SYT9: variants seen among roughly 807,000 people sequenced by gnomAD.
SYT9 encodes the protein synaptotagmin 9.
In SYT9, 22 loss-of-function variants were observed where a neutral mutation model predicts 48.4. The ratio of observed to expected loss-of-function variants is 0.45; its 90% CI spans 0.32 to 0.65. SYT9 has a LOEUF of 0.65. SYT9 is among the 30% of genes least tolerant of loss of function. The pLI is 0.03. For missense variants in SYT9, 577 were observed against 622.0 expected (o/e 0.93, Z 0.77); for synonymous variants, 265 against 245.0 (o/e 1.08, Z -0.76).
intron 1 of SYT9, among the ~76,000 whole-genome samples, chr11:7,281,633 A>C (rs1406891334): frequency 6.6e-6 from 1 of 152,166 alleles, no homozygotes; most frequent in African/African-American, 2.4e-5. Context: ...AATTTATTTG[A>C]TGTGTAAAAA....
At chr11:7,378,035 T>C (rs1422094852) in intron 3 of SYT9, among the ~76,000 whole-genome samples, 1 of 150,124 alleles carries the variant, frequency 6.7e-6, no homozygotes, top group Non-Finnish European at 1.5e-5. Flanking sequence ...AATAGGAACA[T>C]AGGCAGAGAA....
chr11:7,383,113 G>A (rs191622235), intron 3 of SYT9, among the ~76,000 whole-genome samples: 1 of 152,200 alleles, frequency 6.6e-6, no homozygotes, highest in Non-Finnish European at 1.5e-5. Context: ...TGAGAAAATA[G>A]GATGATCAAA....
intron 1 of SYT9, among the ~76,000 whole-genome samples, chr11:7,301,210 C>T (rs1848912887): frequency 6.6e-6 from 1 of 152,198 alleles, no homozygotes; most frequent in African/African-American, 2.4e-5. Context: ...ATTGAAACTT[C>T]AACCCCAGTA....
chr11:7,432,834 G>A (rs958286389), intron 6 of SYT9, among the ~76,000 whole-genome samples: 2 of 151,562 alleles, frequency 1.3e-5, no homozygotes, highest in East Asian at 3.9e-4. Flanking sequence ...TGAGACTTTG[G>A]ACTTTGAACT....
intron 1 of SYT9, among the ~76,000 whole-genome samples, chr11:7,286,368 G>T (rs1256566384): frequency 6.6e-6 from 1 of 152,074 alleles, no homozygotes; most frequent in African/African-American, 2.4e-5. Flanking sequence ...GAGCAGCTGA[G>T]ATGCAGGGCA....
intron 3 of SYT9, among the ~76,000 whole-genome samples, chr11:7,326,437 T>C (rs891031049): frequency 1.0e-4 from 13 of 129,748 alleles, no homozygotes; most frequent in Non-Finnish European, 1.9e-4. Flanking sequence ...GTAGTTTGTA[T>C]TTCTGTGGGA....
chr11:7,263,590 AC>A (rs1398271495), intron 1 of SYT9, among the ~76,000 whole-genome samples: 4 of 152,216 alleles, frequency 2.6e-5, no homozygotes, highest in Non-Finnish European at 5.9e-5. Flanking sequence ...CCAGAAAGTA[AC>A]GTGGAGAAAA....
intron 3 of SYT9, among the ~76,000 whole-genome samples, chr11:7,376,704 G>A (rs553553470): frequency 6.6e-6 from 1 of 152,184 alleles, no homozygotes; most frequent in South Asian, 2.1e-4. Flanking sequence ...GCAAACTGCA[G>A]ACCTCTGCTA....
chr11:7,252,751 G>A lies in SYT9; in HGVS notation c.145+420G>A, dbSNP rs1354922. Among the ~76,000 whole-genome samples the A allele has an allele frequency of 0.59, 89,355 of 152,176 alleles. 27,239 individuals are homozygous for A. Among genetic ancestry groups the A allele is most frequent in the Middle Eastern group, 0.67 (197 of 292 alleles). The stretch of plus-strand genomic sequence containing the variant: ...CTCTGGGAAGTTGGGAGTTGGGGAC[G>A]GCCCCGGGTTGGGGCCGAATCCCAC... On this transcript the variant is annotated intron_variant, in intron 1 of 6. Coordinates refer to ENST00000318881, the MANE Select transcript of SYT9 (RefSeq NM_175733.4). This position sits in a 1 kb window ranked among gnomAD's most constrained non-coding sequence, Gnocchi z 6.3.
upstream of SYT9, among the ~76,000 whole-genome samples, chr11:7,251,018 G>T (rs1847856585): frequency 6.6e-6 from 1 of 152,076 alleles, no homozygotes; most frequent in Non-Finnish European, 1.5e-5. Context: ...TTGGTAAAAT[G>T]AGGATAACAA....
chr11:7,396,920 T>G (rs1846766590), intron 3 of SYT9, among the ~76,000 whole-genome samples: 1 of 152,214 alleles, frequency 6.6e-6, no homozygotes. Context: ...TGGCTTTATA[T>G]TTTACAAATA....
chr11:7,300,754 A>T (rs1848904624), intron 1 of SYT9, among the ~76,000 whole-genome samples: 1 of 152,172 alleles, frequency 6.6e-6, no homozygotes, highest in Admixed American at 6.5e-5. Flanking sequence ...ATTACCTGGG[A>T]CAGGGTTTCC....
At chr11:7,450,103 CCA>C (rs1458176580) in intron 6 of SYT9, among the ~76,000 whole-genome samples, 1 of 152,200 alleles carries the variant, frequency 6.6e-6, no homozygotes, top group East Asian at 1.9e-4. Flanking sequence ...ACAGGCATCC[CCA>C]GTTTAACTCT....
At chr11:7,324,470 T>G in intron 3 of SYT9, among the ~76,000 whole-genome samples, 1 of 151,928 alleles carries the variant, frequency 6.6e-6, no homozygotes, top group African/African-American at 2.4e-5. Flanking sequence ...AATAATTACT[T>G]ATATCTTTAG....
At chr11:7,423,328 A>T (rs1349508169) in intron 6 of SYT9, among the ~76,000 whole-genome samples, 2 of 152,216 alleles carry the variant, frequency 1.3e-5, no homozygotes, top group Non-Finnish European at 2.9e-5. Flanking sequence ...GATGAAAAAC[A>T]GTATTGGAGA....
chr11:7,409,006 A>G (rs1161717666), intron 3 of SYT9, among the ~76,000 whole-genome samples: 1 of 152,096 alleles, frequency 6.6e-6, no homozygotes, highest in Non-Finnish European at 1.5e-5. Context: ...TAGTGTTCAT[A>G]CTAACATTCA....
chr11:7,379,392 A>G (rs7933282), intron 3 of SYT9, among the ~76,000 whole-genome samples: 63,828 of 151,922 alleles, frequency 0.42, 14,321 homozygotes, highest in East Asian at 0.83. Context: ...ATGTGTTCCT[A>G]GGATGCTGAA....
intron 1 of SYT9, among the ~76,000 whole-genome samples, chr11:7,275,770 A>T (rs1848377981): frequency 6.6e-6 from 1 of 151,972 alleles, no homozygotes; most frequent in Non-Finnish European, 1.5e-5. Context: ...TGGCCTTTCC[A>T]CTTGCTGCTG....
intron 5 of SYT9, 147 bp from the exon 6 acceptor site, chr11:7,420,359 C>A: frequency 9.8e-7 from 1 of 1,024,776 alleles, no homozygotes; most frequent in South Asian, 1.6e-5. Flanking sequence ...TGAAGCTTAG[C>A]CTGTAGTTTT....
Sources: gnomAD v4.1 joint callset for allele counts (sites outside exome capture counted in the v4.1 genomes callset) on GRCh38, gnomAD v4.1.1 for gene constraint, Gnocchi (gnomAD v3.1) non-coding constraint, MANE v1.5 for transcripts, NCBI Gene and HGNC (gene_info 2026-07-23, HGNC 2026-07-21) for gene names.